MYT1L: variants seen among roughly 807,000 people sequenced by gnomAD.
The protein encoded by MYT1L is myelin transcription factor 1-like protein.
A neutral mutation model predicts 126.7 loss-of-function variants in MYT1L; 12 were observed. That is an observed-to-expected ratio of 0.09 (90% CI 0.06 to 0.15). The LOEUF (loss-of-function observed/expected upper bound fraction) is 0.15, where lower values mean the gene tolerates loss of function less well. Among genes scored for constraint, MYT1L ranks in the 10% least tolerant of loss-of-function variants. The probability of loss-of-function intolerance (pLI) is 1.00; values close to 1 mark genes in which losing one functional copy is unlikely to be tolerated. For missense variants in MYT1L, 979 were observed against 1,585.2 expected, an observed-to-expected ratio of 0.62 and a Z score of 6.49; for synonymous variants, 541 against 604.2, an observed-to-expected ratio of 0.90 and a Z score of 1.53.
At chr2:1,980,746 G>C (rs1452515131) in intron 5 of MYT1L, among the ~76,000 whole-genome samples, 1 of 152,130 alleles carries the variant, frequency 6.6e-6, no homozygotes, top group African/African-American at 2.4e-5. Context: ...GTCTGTCTTT[G>C]TTTCCACTAA....
At chr2:2,260,475 C>G (rs2094934988) in intron 2 of MYT1L, among the ~76,000 whole-genome samples, 1 of 152,172 alleles carries the variant, frequency 6.6e-6, no homozygotes, top group Non-Finnish European at 1.5e-5. Context: ...TTGTGAGTTA[C>G]TATTTCACAA....
chr2:2,022,221 T>C (rs918226924), intron 4 of MYT1L, among the ~76,000 whole-genome samples: 1 of 152,106 alleles, frequency 6.6e-6, no homozygotes, highest in Non-Finnish European at 1.5e-5. Context: ...TCCTTCCAAA[T>C]TGGGAGGGAT....
intron 1 of MYT1L, among the ~76,000 whole-genome samples, chr2:2,309,132 C>T (rs1027828058): frequency 2.0e-5 from 3 of 151,536 alleles, no homozygotes; most frequent in Non-Finnish European, 4.4e-5. Context: ...CTTCAATATA[C>T]TCTAACCATA....
chr2:1,892,251 C>T lies in MYT1L; in HGVS notation c.2069G>A (p.Ser690Asn). 1 of 1,549,758 alleles carries T rather than the reference C, an allele frequency of 6.5e-7. No individual in the cohort carries two copies. The change falls in exon 15 of 25, where the codon AGC becomes AAC. Residue 690 changes from serine (S) to asparagine (N), a missense_variant. By Grantham distance (46) the Ser-to-Asn change is conservative. Transcript: ENST00000647738. ...GCTGGGCGCGTAGCTGCTGGTGCTGCTGCTGCTGGGGCTGGGGTCCTTGCA... is the reference window on the plus strand; with the variant it reads ...GCTGGGCGCGTAGCTGCTGGTGCTGTTGCTGCTGGGGCTGGGGTCCTTGCA... ...RYCKDPSPSSSSTSSYAPSSS... is the reference protein window; with the variant it reads ...RYCKDPSPSSNSTSSYAPSSS...
intron 3 of MYT1L, among the ~76,000 whole-genome samples, chr2:2,094,508 A>G (rs1458463130): frequency 6.6e-6 from 1 of 152,174 alleles, no homozygotes; most frequent in African/African-American, 2.4e-5. Flanking sequence ...AATAGCAAAG[A>G]CTTGGAACCA....
chr2:2,320,947 T>G (rs1367219891), intron 1 of MYT1L, among the ~76,000 whole-genome samples: 1 of 152,216 alleles, frequency 6.6e-6, no homozygotes, highest in Non-Finnish European at 1.5e-5. Context: ...AACAGCTGGA[T>G]GGATGCCAGG....
At chr2:1,864,394 T>C (rs1168446966) in intron 18 of MYT1L, among the ~76,000 whole-genome samples, 1 of 152,146 alleles carries the variant, frequency 6.6e-6, no homozygotes, top group African/African-American at 2.4e-5. Context: ...CTCCACAGTC[T>C]TGCCGCTCCC....
chr2:1,814,665 A>G (rs1572486443), intron 21 of MYT1L, among the ~76,000 whole-genome samples: 1 of 152,076 alleles, frequency 6.6e-6, no homozygotes, highest in East Asian at 1.9e-4. Context: ...TTTCTCTTTT[A>G]TGGGTCTTGC....
At chr2:2,181,858 A>G (rs1356464616) in intron 2 of MYT1L, among the ~76,000 whole-genome samples, 1 of 152,150 alleles carries the variant, frequency 6.6e-6, no homozygotes, top group Admixed American at 6.5e-5. Context: ...ATTTCATTTG[A>G]TCCTCAGAAC....
rs567580029 is a variant in MYT1L at position 2,038,659 on chromosome 2, TTTGC to T, written c.-158+15315_-158+15318del. Among the ~76,000 whole-genome samples, 542 of 152,070 alleles carry T rather than the reference TTTGC, an allele frequency of 3.6e-3. 4 individuals are homozygous for T. Among genetic ancestry groups the T allele is most frequent in the African/African-American group, 0.013 (529 of 41,448 alleles). On this transcript the variant is annotated intron_variant, in intron 4 of 24. Coordinates refer to ENST00000647738, the MANE Select transcript of MYT1L (RefSeq NM_001303052.2). ...GTCAGAAGTAATGTGACGTTGCTTG[TTTGC>T]TTAGAATTTTTTTTTTAGTGGGTTC...
At chr2:2,005,296 G>C (rs370464869) in intron 4 of MYT1L, among the ~76,000 whole-genome samples, 22 of 95,676 alleles carry the variant, frequency 2.3e-4, no homozygotes, top group Non-Finnish European at 2.8e-4. Context: ...TCCTGCAGGC[G>C]TTCTTTCCTG....
chr2:2,057,777 T>A (rs571496144), intron 3 of MYT1L, among the ~76,000 whole-genome samples: 3 of 152,240 alleles, frequency 2.0e-5, no homozygotes. Context: ...TATCAATAGT[T>A]TATTCTTTCT....
intron 2 of MYT1L, among the ~76,000 whole-genome samples, chr2:2,181,180 G>A (rs1384379506): frequency 6.6e-6 from 1 of 151,576 alleles, no homozygotes; most frequent in Non-Finnish European, 1.5e-5. Flanking sequence ...ACATGTATCT[G>A]TACCTATGAT....
chr2:1,795,339 C>T (rs528169521), intron 23 of MYT1L, among the ~76,000 whole-genome samples: 1 of 152,334 alleles, frequency 6.6e-6, no homozygotes, highest in African/African-American at 2.4e-5. Flanking sequence ...AAGGGGAGCC[C>T]TCTCAGAACG....
At chr2:1,937,155 T>A (rs1293479177) in intron 9 of MYT1L, among the ~76,000 whole-genome samples, 1 of 151,876 alleles carries the variant, frequency 6.6e-6, no homozygotes, top group African/African-American at 2.4e-5. Flanking sequence ...GGCTGAAGAG[T>A]CAGGGCACAC....
intron 18 of MYT1L, among the ~76,000 whole-genome samples, chr2:1,876,243 T>C (rs2046891140): frequency 6.6e-6 from 1 of 152,152 alleles, no homozygotes; most frequent in African/African-American, 2.4e-5. Context: ...CCCCTCTCGC[T>C]GGGGGTGGCA....
chr2:1,794,295 C>T (rs1301100251), intron 23 of MYT1L, among the ~76,000 whole-genome samples: 1 of 152,256 alleles, frequency 6.6e-6, no homozygotes, highest in Non-Finnish European at 1.5e-5. Context: ...TGGATGAGCC[C>T]AGCCCAGCTC....
Position 1,791,726 on chromosome 2 carries a change from A to G in MYT1L, c.*141T>C, listed in dbSNP as rs1167882760. On this transcript the variant is annotated 3_prime_UTR_variant, in exon 25 of 25. Coordinates refer to ENST00000647738, the MANE Select transcript of MYT1L (RefSeq NM_001303052.2). This position sits in a 1 kb window ranked among gnomAD's most constrained non-coding sequence, Gnocchi z 6.0. ...AGGTACTATCTTTAAAGCAAGACAT[A>G]AAATCATTATGAAGTCTTGTAAGCA... 2.4e-6 allele frequency: 2 copies of G among 843,546 alleles called. No individual in the cohort carries two copies. The highest frequency in any genetic ancestry group is 3.5e-6 in the Non-Finnish European group (2 of 572,536). The allele number at this position is 843,546 out of a possible 1,614,324, so 52.3% of individuals were successfully genotyped here.
intron 3 of MYT1L, among the ~76,000 whole-genome samples, chr2:2,081,611 T>C (rs1055568602): frequency 6.6e-6 from 1 of 152,250 alleles, no homozygotes; most frequent in African/African-American, 2.4e-5. Flanking sequence ...TACAAGCATG[T>C]ACTGAAAATC....
Sources: allele counts gnomAD v4.1 joint callset (sites outside exome capture counted in the v4.1 genomes callset), GRCh38; gene constraint gnomAD v4.1.1; non-coding constraint Gnocchi (gnomAD v3.1); transcripts MANE v1.5; gene names NCBI Gene and HGNC (gene_info 2026-07-23, HGNC 2026-07-21).